Variants in SUN1 observed in about 807,000 individuals in gnomAD.
The protein encoded by SUN1 is SUN domain-containing protein 1.
A neutral mutation model predicts 103.2 loss-of-function variants in SUN1; 61 were observed. That is an observed-to-expected ratio of 0.59 (90% CI 0.48 to 0.73). SUN1 has a LOEUF of 0.73. Among genes scored for constraint, SUN1 ranks in the 30% least tolerant of loss-of-function variants. The probability of loss-of-function intolerance (pLI) is 0.00; values close to 1 mark genes in which losing one functional copy is unlikely to be tolerated. For missense variants in SUN1, 1,052 were observed against 1,034.6 expected (o/e 1.02, Z -0.23); for synonymous variants, 490 against 425.7 (o/e 1.15, Z -1.86).
chr7:815,653 C>G (rs1780139734), upstream of SUN1, among the ~76,000 whole-genome samples: 1 of 152,330 alleles, frequency 6.6e-6, no homozygotes, highest in South Asian at 2.1e-4. Context: ...GTGCAAAGAA[C>G]AAATCAGTAT....
intron 2 of SUN1, among the ~76,000 whole-genome samples, chr7:839,521 G>A (rs1322425805): frequency 6.6e-6 from 1 of 152,078 alleles, no homozygotes; most frequent in African/African-American, 2.4e-5. Flanking sequence ...GAGTAGCTGG[G>A]ATTACAGGCG....
rs1005977675 is a variant in SUN1 at position 839,646 on chromosome 7, G to A, written c.266+660G>A. ...TGGCTCACTGCAGCCTCTGCCTCCC[G>A]GGTTCAAGAGATTCTCCTGCCTCAG... On this transcript the variant is annotated intron_variant, in intron 2 of 18. Transcript: ENST00000401592. Among the ~76,000 whole-genome samples, 9 of 112,900 alleles carry A rather than the reference G, an allele frequency of 8.0e-5. 3 individuals carry two copies. Among genetic ancestry groups the A allele is most frequent in the Middle Eastern group, 5.1e-3 (1 of 198 alleles). The allele number at this position is 112,900 out of a possible 152,430, so 74.1% of individuals were successfully genotyped here.
chr7:861,340 T>G (rs368416030), intron 14 of SUN1, 40 bp from the exon 15 acceptor site: 96 of 1,609,068 alleles, frequency 6.0e-5, no homozygotes, highest in Non-Finnish European at 7.2e-5. Context: ...TCTCCTCTCC[T>G]GTTCTGGTGT....
chr7:856,259 G>A (rs1827177523), intron 11 of SUN1, 99 bp from the exon 12 acceptor site: 17 of 1,222,872 alleles, frequency 1.4e-5, no homozygotes, highest in Non-Finnish European at 1.9e-5. Flanking sequence ...AATTAAAGGG[G>A]GTATTCCAGA....
At chr7:832,660 G>C (rs377514812) in intron 1 of SUN1, 59 bp downstream of exon 1, 1 of 1,416,648 alleles carries the variant, frequency 7.1e-7, no homozygotes. Flanking sequence ...CTGTCGCGGT[G>C]GCGTGGACCT....
intron 5 of SUN1, among the ~76,000 whole-genome samples, chr7:847,355 T>A (rs1169225638): frequency 1.3e-5 from 2 of 148,872 alleles, no homozygotes; most frequent in African/African-American, 2.5e-5. Flanking sequence ...CGCAGCGCCC[T>A]CTCTGGGATC....
At chr7:836,176 C>T (rs1802937361) in intron 1 of SUN1, among the ~76,000 whole-genome samples, 1 of 152,060 alleles carries the variant, frequency 6.6e-6, no homozygotes, top group South Asian at 2.1e-4. Flanking sequence ...TGTCTAGATG[C>T]TGGTGGTCAG....
intron 2 of SUN1, among the ~76,000 whole-genome samples, chr7:841,274 G>C (rs1809587989): frequency 7.8e-6 from 1 of 127,864 alleles, no homozygotes; most frequent in Non-Finnish European, 1.6e-5. Flanking sequence ...GCCGGAGTCT[G>C]GCTCTGTCAC....
At chr7:868,064 G>A (rs952279674) in intron 16 of SUN1, among the ~76,000 whole-genome samples, 71 of 152,352 alleles carry the variant, frequency 4.7e-4, no homozygotes, top group African/African-American at 1.6e-3. Context: ...AAGACGGCTT[G>A]GGGGCTGAGG....
intron 1 of SUN1, 134 bp from the exon 2 acceptor site, chr7:838,664 G>A (rs1805975217): frequency 1.1e-6 from 1 of 901,814 alleles, no homozygotes; most frequent in Admixed American, 3.2e-5. Context: ...TTGCTTTAGA[G>A]TGAGGTTGTC....
chr7:836,919 A>G (rs969089593), intron 1 of SUN1, among the ~76,000 whole-genome samples: 1 of 152,090 alleles, frequency 6.6e-6, no homozygotes, highest in African/African-American at 2.4e-5. Flanking sequence ...CGAGAGCTGG[A>G]GGGAAGGAGG....
intron 1 of SUN1, among the ~76,000 whole-genome samples, chr7:817,082 C>G (rs1179254286): frequency 6.6e-6 from 1 of 152,064 alleles, no homozygotes; most frequent in South Asian, 2.1e-4. Flanking sequence ...GTTGCGGGGT[C>G]CCAGCCCCTG....
rs577644949 is a variant in SUN1, at chr7:853,561, C to T, written c.1206C>T (p.Gly402=). 25 of 1,611,124 alleles carry T rather than the reference C, an allele frequency of 1.6e-5. No individual in the cohort carries two copies. Among genetic ancestry groups the T allele is most frequent in the Admixed American group, 1.3e-4 (8 of 60,014 alleles). ...AGGCTCGGGTGGACCAGATGGAAGG[C>T]GGCGCTGCCGGGCCGTCAGCTTCGG... ...KLQARVDQME[G]GAAGPSASVR... The change falls in exon 10 of 19, where the codon GGC becomes GGT. Residue 402 remains glycine (G), a synonymous_variant. Coordinates refer to ENST00000401592, the MANE Select transcript of SUN1 (RefSeq NM_001130965.3).
At chr7:856,482 G>C (rs1400711652) in intron 12 of SUN1, 81 bp downstream of exon 12, 1 of 1,544,234 alleles carries the variant, frequency 6.5e-7, no homozygotes, top group African/African-American at 1.4e-5. Context: ...GTGATGAATG[G>C]GGGACCCGGG....
At chr7:857,241 G>A (rs937976025) in intron 12 of SUN1, among the ~76,000 whole-genome samples, 2 of 152,198 alleles carry the variant, frequency 1.3e-5, no homozygotes, top group Admixed American at 6.5e-5. Context: ...CCTCTCCTGT[G>A]CCCCATGTTC....
At position 873,409 on chromosome 7, in the gene SUN1, G is replaced by A. The variant is rs1842983309; in HGVS notation, c.*78G>A. 7.6e-7 allele frequency: 1 copy of A among 1,310,010 alleles called. No homozygotes were observed. Among genetic ancestry groups the A allele is most frequent in the Admixed American group, 1.7e-5 (1 of 58,668 alleles). The allele number at this position is 1,310,010 out of a possible 1,614,324, so 81.1% of individuals were successfully genotyped here. On this transcript the variant is annotated 3_prime_UTR_variant, in exon 19 of 19. Transcript: ENST00000401592. ...ACACTGGAATCCTTCATGGACGAGG[G>A]CATATACAATGATGGGACAGTGCCA...
intron 1 of SUN1, among the ~76,000 whole-genome samples, chr7:817,776 T>C (rs1319059274): frequency 6.6e-6 from 1 of 152,222 alleles, no homozygotes; most frequent in Non-Finnish European, 1.5e-5. Flanking sequence ...TTGAAGCCTT[T>C]AGTTTTCTCA....
intron 11 of SUN1, among the ~76,000 whole-genome samples, chr7:855,647 T>C (rs981648388): frequency 2.0e-5 from 3 of 152,336 alleles, no homozygotes; most frequent in African/African-American, 4.8e-5. Flanking sequence ...TCCTGGACCT[T>C]GGACCCTGTG....
chr7:864,468 C>T (rs371782088), intron 15 of SUN1, among the ~76,000 whole-genome samples: 43 of 150,442 alleles, frequency 2.9e-4, no homozygotes, highest in African/African-American at 9.3e-4. Flanking sequence ...GCAGGAGAAT[C>T]GCTTGAACCT....
Sources: allele counts gnomAD v4.1 joint callset (sites outside exome capture counted in the v4.1 genomes callset), GRCh38; gene constraint gnomAD v4.1.1; transcripts MANE v1.5; gene names NCBI Gene and HGNC (gene_info 2026-07-23, HGNC 2026-07-21).